The following FRMD4B variants were observed in gnomAD, a reference collection of about 807,000 sequenced individuals.
FRMD4B encodes the protein FERM domain-containing protein 4B.
In FRMD4B, 74 loss-of-function variants were observed where a neutral mutation model predicts 141.5. The ratio of observed to expected loss-of-function variants is 0.52; its 90% CI spans 0.43 to 0.63. FRMD4B has a LOEUF of 0.63. Among genes scored for constraint, FRMD4B ranks in the 30% least tolerant of loss-of-function variants. FRMD4B has a pLI of 0.00. For synonymous variants in FRMD4B, 506 were observed against 467.9 expected, an observed-to-expected ratio of 1.08 and a Z score of -1.05; for missense variants, 1,366 against 1,253.4, an observed-to-expected ratio of 1.09 and a Z score of -1.36.
chr3:69,393,980 G>T (rs556621545), intron 2 of FRMD4B, among the ~76,000 whole-genome samples: 3 of 152,294 alleles, frequency 2.0e-5, no homozygotes, highest in South Asian at 2.1e-4. Flanking sequence ...AGAGACAAAA[G>T]AATGAATTTC....
chr3:69,335,237 A>G (rs887396463), intron 1 of FRMD4B, among the ~76,000 whole-genome samples: 3 of 152,216 alleles, frequency 2.0e-5, no homozygotes, highest in African/African-American at 7.2e-5. Flanking sequence ...AGCCAGAAAT[A>G]GCAATGATGA....
intron 1 of FRMD4B, among the ~76,000 whole-genome samples, chr3:69,331,767 T>C (rs1010024407): frequency 2.0e-5 from 3 of 152,032 alleles, no homozygotes; most frequent in Admixed American, 1.3e-4. Flanking sequence ...TTAATAATTA[T>C]TAATAATATT....
intron 1 of FRMD4B, among the ~76,000 whole-genome samples, chr3:69,499,927 TC>T (rs1349869546): frequency 1.3e-5 from 2 of 152,216 alleles, no homozygotes; most frequent in Non-Finnish European, 2.9e-5. Flanking sequence ...GAAGCCCACT[TC>T]CTGGATCTGG....
intron 7 of FRMD4B, among the ~76,000 whole-genome samples, chr3:69,235,001 T>C (rs1415707551): frequency 2.0e-5 from 3 of 151,306 alleles, no homozygotes; most frequent in Non-Finnish European, 4.4e-5. Context: ...ATACAAAAAA[T>C]TAGCCGGGTG....
intron 5 of FRMD4B, among the ~76,000 whole-genome samples, chr3:69,265,266 AAAAATATATATATATATATATATAT>A (rs1444711753): frequency 1.1e-4 from 2 of 18,524 alleles, no homozygotes; most frequent in Non-Finnish European, 2.2e-4. Flanking sequence ...AAAAAAAAAA[AAAAATATATATATATATATATATAT>A]ATATATATAT....
intron 1 of FRMD4B, among the ~76,000 whole-genome samples, chr3:69,358,520 G>C (rs1054654020): frequency 2.0e-5 from 3 of 152,288 alleles, no homozygotes; most frequent in Admixed American, 6.5e-5. Context: ...CAGATTGCTT[G>C]AGTTCAGGAG....
At chr3:69,172,536 G>A (rs1399770652) in intron 22 of FRMD4B, among the ~76,000 whole-genome samples, 2 of 152,060 alleles carry the variant, frequency 1.3e-5, no homozygotes, top group Non-Finnish European at 2.9e-5. Flanking sequence ...AAAGTATATT[G>A]TGACAATCAC....
chr3:69,262,802 T>C lies in FRMD4B; in HGVS notation c.502-12703A>G, dbSNP rs115784461. On this transcript the variant is annotated intron_variant, in intron 5 of 22. Coordinates refer to ENST00000398540, the MANE Select transcript of FRMD4B (RefSeq NM_015123.3). ...AGTATATTCATACTATATACTACTA[T>C]TCAGCAGTGAAAATGAACAAGCTGG... 3.9e-3 allele frequency among the ~76,000 whole-genome samples: 593 copies of C among 152,154 alleles called. 2 individuals are homozygous for C. Among genetic ancestry groups the C allele is most frequent in the African/African-American group, 0.014 (573 of 41,518 alleles).
chr3:69,207,040 C>T (rs111518646), intron 11 of FRMD4B, among the ~76,000 whole-genome samples: 1,539 of 152,222 alleles, frequency 0.01, 22 homozygotes, highest in African/African-American at 0.035. Flanking sequence ...CAATGGCTCA[C>T]GCTTATAATC....
chr3:69,179,732 G>C (rs1380376750), intron 21 of FRMD4B, among the ~76,000 whole-genome samples: 1 of 152,146 alleles, frequency 6.6e-6, no homozygotes, highest in Non-Finnish European at 1.5e-5. Flanking sequence ...ATGACCTACA[G>C]GTTTTCTGGC....
intron 4 of FRMD4B, among the ~76,000 whole-genome samples, chr3:69,299,617 T>C (rs1268246047): frequency 2.0e-5 from 3 of 152,354 alleles, no homozygotes; most frequent in East Asian, 1.9e-4. Context: ...TGAATTGCAA[T>C]GTACTTTTTC....
In FRMD4B at chr3:69,459,517, C is replaced by T. The variant is rs539625794; in HGVS notation, c.-128-26756G>A. Reference sequence around the variant, plus strand: ...ATGTGCTACCCACTTGTGAAAGATACCAGAACAGATTTAATGGTGCTTTCT... The same window carrying T: ...ATGTGCTACCCACTTGTGAAAGATATCAGAACAGATTTAATGGTGCTTTCT... On this transcript the variant is annotated intron_variant, in intron 1 of 5. Coordinates refer to the FRMD4B transcript ENST00000459638. 1.6e-4 allele frequency among the ~76,000 whole-genome samples: 24 copies of T among 152,270 alleles called. No homozygotes were observed. In the South Asian group the frequency reaches 2.3e-3, roughly 14 times the overall value.
chr3:69,198,339 T>C (rs745825602), intron 12 of FRMD4B: 20 of 194,134 alleles, frequency 1.0e-4, no homozygotes, highest in Non-Finnish European at 2.0e-4. Context: ...TCAGCCATCA[T>C]TAGTCATGAG....
intron 1 of FRMD4B, among the ~76,000 whole-genome samples, chr3:69,437,336 T>C (rs1705275135): frequency 6.6e-6 from 1 of 151,814 alleles, no homozygotes; most frequent in African/African-American, 2.4e-5. Context: ...CCTTCCAAAG[T>C]GCTGGGTTCA....
intron 1 of FRMD4B, among the ~76,000 whole-genome samples, chr3:69,374,103 T>C (rs1010405260): frequency 6.6e-6 from 1 of 152,214 alleles, no homozygotes; most frequent in Non-Finnish European, 1.5e-5. Flanking sequence ...GTTTGCACTC[T>C]AGCATGATAA....
chr3:69,200,189 G>C (rs1186609168), intron 11 of FRMD4B, among the ~76,000 whole-genome samples: 1 of 152,062 alleles, frequency 6.6e-6, no homozygotes, highest in Non-Finnish European at 1.5e-5. Flanking sequence ...TGAGCTGAAG[G>C]TTTCTATACG....
chr3:69,222,468 A>T (rs2093205724), intron 8 of FRMD4B, among the ~76,000 whole-genome samples: 1 of 7,880 alleles, frequency 1.3e-4, no homozygotes. Context: ...AATCCATCTC[A>T]AAAAAAAAAA....
intron 1 of FRMD4B, among the ~76,000 whole-genome samples, chr3:69,451,351 C>A (rs967910290): frequency 6.6e-6 from 1 of 152,172 alleles, no homozygotes; most frequent in African/African-American, 2.4e-5. Flanking sequence ...TGATCAGTGA[C>A]TGATGGATGA....
intron 3 of FRMD4B, among the ~76,000 whole-genome samples, chr3:69,304,703 C>T (rs765511859): frequency 1.2e-3 from 182 of 152,194 alleles, no homozygotes; most frequent in Non-Finnish European, 1.9e-3. Flanking sequence ...GTGCCTTTTC[C>T]GAGCTTGTCC....
Sources: allele counts gnomAD v4.1 joint callset (sites outside exome capture counted in the v4.1 genomes callset), GRCh38; gene constraint gnomAD v4.1.1; transcripts MANE v1.5; gene names NCBI Gene and HGNC (gene_info 2026-07-23, HGNC 2026-07-21).